CACNG2: variants seen among roughly 807,000 people sequenced by gnomAD.
CACNG2 encodes the protein calcium voltage-gated channel auxiliary subunit gamma 2.
A neutral mutation model predicts 25.9 loss-of-function variants in CACNG2; 3 were observed. That is an observed-to-expected ratio of 0.12 (90% CI 0.05 to 0.30). The LOEUF is 0.30. Ranked by LOEUF, CACNG2 falls within the 10% of genes least tolerant of loss-of-function variation. The pLI, the probability that CACNG2 is intolerant of heterozygous loss-of-function variation, is 1.00. For missense variants in CACNG2, 341 were observed against 432.5 expected (o/e 0.79, Z 1.88); for synonymous variants, 167 against 173.3 (o/e 0.96, Z 0.29).
At chr22:36,691,573 A>G (rs1419986496) in intron 1 of CACNG2, among the ~76,000 whole-genome samples, 1 of 152,178 alleles carries the variant, frequency 6.6e-6, no homozygotes, top group Admixed American at 6.5e-5. Context: ...AGAAAATGGA[A>G]GATATAATTA....
At chr22:36,613,038 A>G (rs910356507) in intron 1 of CACNG2, among the ~76,000 whole-genome samples, 3 of 152,172 alleles carry the variant, frequency 2.0e-5, no homozygotes, top group African/African-American at 4.8e-5. Context: ...GGGGAGGTTA[A>G]ATAGGTTTCC....
At chr22:36,596,736 G>A (rs1017932446) in intron 1 of CACNG2, among the ~76,000 whole-genome samples, 3 of 152,084 alleles carry the variant, frequency 2.0e-5, no homozygotes, top group African/African-American at 7.2e-5. Flanking sequence ...ATCCTGTCCT[G>A]GCTCTTGTCT....
chr22:36,661,865 T>C (rs1220606037), intron 1 of CACNG2, among the ~76,000 whole-genome samples: 6 of 151,928 alleles, frequency 3.9e-5, no homozygotes, highest in Non-Finnish European at 1.5e-5. Context: ...TGAGCCTCAG[T>C]TTCTTCACCT....
At chr22:36,637,679 T>C (rs1875777882) in intron 1 of CACNG2, among the ~76,000 whole-genome samples, 1 of 152,124 alleles carries the variant, frequency 6.6e-6, no homozygotes, top group Non-Finnish European at 1.5e-5. Flanking sequence ...GTCGGTGAGC[T>C]GCCTAAAACC....
chr22:36,701,835 A>T (rs1271492275), intron 1 of CACNG2, among the ~76,000 whole-genome samples: 1 of 152,160 alleles, frequency 6.6e-6, no homozygotes, highest in Non-Finnish European at 1.5e-5. Context: ...AATAATTAGG[A>T]TTTACCAAAT....
chr22:36,694,443 T>A (rs1438492769), intron 1 of CACNG2, among the ~76,000 whole-genome samples: 1 of 152,200 alleles, frequency 6.6e-6, no homozygotes, highest in Non-Finnish European at 1.5e-5. Flanking sequence ...GCTAGTGACA[T>A]GCATTTCCTG....
At chr22:36,701,648 C>T (rs1418635382) in intron 1 of CACNG2, among the ~76,000 whole-genome samples, 1 of 152,000 alleles carries the variant, frequency 6.6e-6, no homozygotes, top group Non-Finnish European at 1.5e-5. Context: ...GAAGCCTAAC[C>T]CGCAAGTGAA....
intron 2 of CACNG2, among the ~76,000 whole-genome samples, chr22:36,586,976 G>A (rs5756245): frequency 6.7e-6 from 1 of 149,096 alleles, no homozygotes; most frequent in African/African-American, 2.5e-5. Flanking sequence ...TTTTTCATTA[G>A]AAGTTCCAAT....
At chr22:36,580,017 A>C (rs1935386377) in intron 2 of CACNG2, among the ~76,000 whole-genome samples, 1 of 152,240 alleles carries the variant, frequency 6.6e-6, no homozygotes. Flanking sequence ...GGGATGCGAC[A>C]GTGAACACGG....
chr22:36,563,685 T>C lies in CACNG2; in HGVS notation c.*666A>G, dbSNP rs1379618157. Reference sequence around the variant, plus strand: ...GCGGAGCCGGCTCGAGCTCTGAGCCTTCCTGGAGTTCCTGGGGCACCCACC... The same window carrying C: ...GCGGAGCCGGCTCGAGCTCTGAGCCCTCCTGGAGTTCCTGGGGCACCCACC... On this transcript the variant is annotated 3_prime_UTR_variant, in exon 4 of 4. Transcript: ENST00000300105. Among the ~76,000 whole-genome samples the C allele has an allele frequency of 1.3e-5, 2 of 151,968 alleles. No homozygotes were observed. Among genetic ancestry groups the C allele is most frequent in the Non-Finnish European group, 2.9e-5 (2 of 67,906 alleles).
chr22:36,652,561 C>T (rs1403313311), intron 1 of CACNG2, among the ~76,000 whole-genome samples: 1 of 152,190 alleles, frequency 6.6e-6, no homozygotes, highest in East Asian at 1.9e-4. Flanking sequence ...CTCCCATGAT[C>T]CACTGTAAGA....
At chr22:36,628,369 A>T (rs768685199) in intron 1 of CACNG2, among the ~76,000 whole-genome samples, 4 of 152,218 alleles carry the variant, frequency 2.6e-5, no homozygotes, top group Non-Finnish European at 5.9e-5. Context: ...TAACTGGAGG[A>T]AGGAATGTTC....
At chr22:36,613,608 C>T (rs1935978165) in intron 1 of CACNG2, among the ~76,000 whole-genome samples, 1 of 152,056 alleles carries the variant, frequency 6.6e-6, no homozygotes, top group African/African-American at 2.4e-5. Flanking sequence ...CTTTGGCTGT[C>T]TTCTCTTTTC....
At chr22:36,648,032 A>G (rs1936554255) in intron 1 of CACNG2, among the ~76,000 whole-genome samples, 1 of 152,268 alleles carries the variant, frequency 6.6e-6, no homozygotes, top group Non-Finnish European at 1.5e-5. Flanking sequence ...ATTCTTGGAT[A>G]AATGTCAGAT....
At chr22:36,569,685 G>A (rs1344524485) in intron 2 of CACNG2, among the ~76,000 whole-genome samples, 1 of 152,066 alleles carries the variant, frequency 6.6e-6, no homozygotes. Context: ...GATTATAGGC[G>A]CCCGCCACCA....
At chr22:36,602,922 A>G (rs959922432) in intron 1 of CACNG2, among the ~76,000 whole-genome samples, 3 of 152,118 alleles carry the variant, frequency 2.0e-5, no homozygotes, top group Non-Finnish European at 4.4e-5. Context: ...GGCAATTAAT[A>G]ACCCTACAAT....
chr22:36,669,103 A>G (rs1936913396), intron 1 of CACNG2, among the ~76,000 whole-genome samples: 1 of 152,098 alleles, frequency 6.6e-6, no homozygotes, highest in Non-Finnish European at 1.5e-5. Context: ...GAGTTGACAC[A>G]TATATTTAAC....
chr22:36,639,850 G>C (rs1224682805), intron 1 of CACNG2, among the ~76,000 whole-genome samples: 1 of 152,172 alleles, frequency 6.6e-6, no homozygotes, highest in Non-Finnish European at 1.5e-5. Flanking sequence ...AGACAGATGG[G>C]AACCCTGAGG....
rs535308823 is a variant in CACNG2 at position 36,645,208 on chromosome 22, G to A, written c.211+57158C>T. ...TCTTGGCTCCCTCACAGGAATGTTAGGGGGTCTAATTAATTACTGTTTGCA... is the reference window on the plus strand; with the variant it reads ...TCTTGGCTCCCTCACAGGAATGTTAAGGGGTCTAATTAATTACTGTTTGCA... On this transcript the variant is annotated intron_variant, in intron 1 of 3. Coordinates refer to ENST00000300105, the MANE Select transcript of CACNG2 (RefSeq NM_006078.5). 2.6e-5 allele frequency among the ~76,000 whole-genome samples: 4 copies of A among 152,280 alleles called. No homozygotes were observed. The South Asian group carries it at 6.2e-4, about 24-fold the overall frequency.
Sources: gnomAD v4.1 joint callset for allele counts (sites outside exome capture counted in the v4.1 genomes callset) on GRCh38, gnomAD v4.1.1 for gene constraint, MANE v1.5 for transcripts, NCBI Gene and HGNC (gene_info 2026-07-23, HGNC 2026-07-21) for gene names.